Variants in RBFOX1 observed in about 807,000 individuals in gnomAD.
The protein encoded by RBFOX1 is RNA binding protein fox-1 homolog 1.
Under a neutral mutation model 57.7 loss-of-function variants are expected in RBFOX1, and 8 were observed. The observed-to-expected ratio is 0.14, with a 90% confidence interval of 0.08 to 0.25. The LOEUF (loss-of-function observed/expected upper bound fraction) is 0.25. Among genes scored for constraint, RBFOX1 ranks in the 10% least tolerant of loss-of-function variants. The probability of loss-of-function intolerance (pLI) is 1.00; values close to 1 mark genes in which losing one functional copy is unlikely to be tolerated. For synonymous variants in RBFOX1, 326 were observed against 222.4 expected (o/e 1.47, Z -4.15); for missense variants, 611 against 548.5 (o/e 1.11, Z -1.14).
intron 4 of RBFOX1, among the ~76,000 whole-genome samples, chr16:7,271,685 A>T (rs938614803): frequency 2.0e-5 from 3 of 152,188 alleles, no homozygotes; most frequent in African/African-American, 7.2e-5. Context: ...GATGTCGGGA[A>T]ACAGTGATTT....
intron 3 of RBFOX1, among the ~76,000 whole-genome samples, chr16:6,795,738 C>T (rs1452911364): frequency 6.6e-6 from 1 of 151,200 alleles, no homozygotes; most frequent in African/African-American, 2.4e-5. Flanking sequence ...TGCACTCTAG[C>T]CTGGGTGACA....
intron 1 of RBFOX1, among the ~76,000 whole-genome samples, chr16:5,271,154 G>A (rs1222951884): frequency 6.6e-6 from 1 of 152,050 alleles, no homozygotes; most frequent in Non-Finnish European, 1.5e-5. Flanking sequence ...TTGCACTCCA[G>A]CCTGGGCAAC....
chr16:6,995,637 G>C (rs1157064748), intron 3 of RBFOX1, among the ~76,000 whole-genome samples: 1 of 152,098 alleles, frequency 6.6e-6, no homozygotes, highest in Non-Finnish European at 1.5e-5. Context: ...GTGCACGCTT[G>C]TAATCCCAGC....
At chr16:6,825,850 G>A (rs141879808) in intron 3 of RBFOX1, among the ~76,000 whole-genome samples, 1 of 152,278 alleles carries the variant, frequency 6.6e-6, no homozygotes, top group South Asian at 2.1e-4. Flanking sequence ...CCGGAAGGAG[G>A]AATGAATATC....
chr16:7,309,113 T>G (rs1245109801), intron 4 of RBFOX1, among the ~76,000 whole-genome samples: 2 of 152,196 alleles, frequency 1.3e-5, no homozygotes, highest in Non-Finnish European at 2.9e-5. Flanking sequence ...CAGGCCCAGG[T>G]GGCTGCCTGA....
At chr16:5,837,152 A>G (rs1257687509) in intron 3 of RBFOX1, among the ~76,000 whole-genome samples, 2 of 151,870 alleles carry the variant, frequency 1.3e-5, no homozygotes, top group African/African-American at 4.8e-5. Flanking sequence ...TCCCCCTGGA[A>G]TCCTGCCACT....
chr16:6,824,665 C>A (rs1036050762), intron 3 of RBFOX1, among the ~76,000 whole-genome samples: 6 of 152,132 alleles, frequency 3.9e-5, no homozygotes, highest in Non-Finnish European at 5.9e-5. Context: ...TTCTTGGATT[C>A]ATCACTCACT....
At chr16:6,256,177 A>ATATATG (rs1567787753) in intron 1 of RBFOX1, among the ~76,000 whole-genome samples, 3 of 19,456 alleles carry the variant, frequency 1.5e-4, no homozygotes, top group East Asian at 1.9e-3. Context: ...ATATGTATAT[A>ATATATG]TATATATACG....
intron 3 of RBFOX1, among the ~76,000 whole-genome samples, chr16:5,837,505 A>G (rs903309582): frequency 2.0e-5 from 3 of 151,730 alleles, no homozygotes; most frequent in African/African-American, 4.8e-5. Flanking sequence ...CTCCACAGAC[A>G]TTCCCACTCC....
At chr16:7,155,764 C>T (rs534485159) in intron 4 of RBFOX1, among the ~76,000 whole-genome samples, 10 of 124,162 alleles carry the variant, frequency 8.1e-5, no homozygotes, top group Non-Finnish European at 1.2e-4. Flanking sequence ...CACACACACA[C>T]ATATATATAC....
chr16:6,991,513 A>G (rs535000819), intron 3 of RBFOX1, among the ~76,000 whole-genome samples: 2 of 152,086 alleles, frequency 1.3e-5, no homozygotes, highest in Non-Finnish European at 2.9e-5. Context: ...ATTATCATCA[A>G]CCCACTTCTC....
chr16:5,240,802 G>A (rs573480517), intron 1 of RBFOX1, among the ~76,000 whole-genome samples: 1 of 152,262 alleles, frequency 6.6e-6, no homozygotes, highest in African/African-American at 2.4e-5. Context: ...GTGGGATGGG[G>A]CTCCGTGGCC....
At chr16:6,718,706 T>G (rs2065325221) in intron 3 of RBFOX1, among the ~76,000 whole-genome samples, 1 of 152,160 alleles carries the variant, frequency 6.6e-6, no homozygotes, top group Admixed American at 6.5e-5. Context: ...AAGATCTGGT[T>G]GTTGAAAAGT....
At chr16:5,784,076 G>T (rs561577658) in intron 3 of RBFOX1, among the ~76,000 whole-genome samples, 2 of 152,288 alleles carry the variant, frequency 1.3e-5, no homozygotes, top group East Asian at 3.9e-4. Flanking sequence ...AGAGGCCTCT[G>T]CTTGGCTTCT....
intron 3 of RBFOX1, among the ~76,000 whole-genome samples, chr16:6,922,363 A>T (rs1054148532): frequency 6.6e-6 from 1 of 152,168 alleles, no homozygotes; most frequent in Non-Finnish European, 1.5e-5. Flanking sequence ...AGCCCCTTGC[A>T]AGCCCACTAA....
At chr16:6,854,617 C>G (rs60362638) in intron 3 of RBFOX1, among the ~76,000 whole-genome samples, 1,684 of 61,256 alleles carry the variant, frequency 0.027, 24 homozygotes, top group Middle Eastern at 0.14. Context: ...TTTTTTGAGA[C>G]TGAGTCTCGC....
chr16:7,094,769 T>TGTGTGTGTGG (rs989908595), intron 4 of RBFOX1, among the ~76,000 whole-genome samples: 28 of 138,998 alleles, frequency 2.0e-4, no homozygotes, highest in African/African-American at 7.2e-4. Context: ...TGTGTGTGTG[T>TGTGTGTGTGG]GTGTGTGGGT....
At position 6,686,976 on chromosome 16, in the gene RBFOX1, T is replaced by C. The variant is rs145145743; in HGVS notation, c.-16+32326T>C. Among the ~76,000 whole-genome samples, 615 of 152,330 alleles carry C rather than the reference T, an allele frequency of 4.0e-3. 4 individuals carry two copies. Among genetic ancestry groups the C allele is most frequent in the African/African-American group, 0.014 (589 of 41,568 alleles). On this transcript the variant is annotated intron_variant, in intron 3 of 15. Transcript: ENST00000550418. Reference sequence around the variant, plus strand: ...AATGATATGATGTGAAAATACTCATTATATATAACAAACCAATAATATGTC... The same window carrying C: ...AATGATATGATGTGAAAATACTCATCATATATAACAAACCAATAATATGTC...
chr16:5,489,457 C>T lies in RBFOX1; in HGVS notation c.258+22203C>T, dbSNP rs569733901. On this transcript the variant is annotated intron_variant, in intron 2 of 2. Coordinates refer to the RBFOX1 transcript ENST00000585867. ...ACAGTTCTGAAACTGGATAGACTTC[C>T]ATTCAAGTTCATCTATTAGCCCTTC... is the stretch of plus-strand genomic sequence containing the variant. Among the ~76,000 whole-genome samples the T allele has an allele frequency of 1.5e-3, 231 of 152,346 alleles. 2 individuals carry two copies. In the Middle Eastern group the frequency reaches 0.027, roughly 18 times the overall value.
Sources: allele counts gnomAD v4.1 joint callset (sites outside exome capture counted in the v4.1 genomes callset), GRCh38; gene constraint gnomAD v4.1.1; transcripts MANE v1.5; gene names NCBI Gene and HGNC (gene_info 2026-07-23, HGNC 2026-07-21).